RAPH1: variants seen among roughly 807,000 people sequenced by gnomAD.
RAPH1 encodes the protein ras-associated and pleckstrin homology domains-containing protein 1.
In RAPH1, 18 loss-of-function variants were observed where a neutral mutation model predicts 88.1. The ratio of observed to expected loss-of-function variants is 0.20; its 90% CI spans 0.14 to 0.30. The LOEUF (loss-of-function observed/expected upper bound fraction) is 0.30. Ranked by LOEUF, RAPH1 falls within the 10% of genes least tolerant of loss-of-function variation. The pLI is 1.00. For synonymous variants in RAPH1, 587 were observed against 559.0 expected, an observed-to-expected ratio of 1.05 and a Z score of -0.71; for missense variants, 1,448 against 1,543.2, an observed-to-expected ratio of 0.94 and a Z score of 1.03.
intron 1 of RAPH1, among the ~76,000 whole-genome samples, chr2:203,505,186 G>A (rs1688927338): frequency 6.6e-6 from 1 of 152,036 alleles, no homozygotes; most frequent in African/African-American, 2.4e-5. Context: ...TACTGCATTA[G>A]TCCATTTTCA....
In RAPH1 at chr2:203,439,396, G is replaced by A; in HGVS notation, c.*41C>T. The stretch of plus-strand genomic sequence containing the variant: ...CAGATGATCAGGTGAGCTGATTGTA[G>A]CAGTGATTACAGATATCATGAAAAT... On this transcript the variant is annotated 3_prime_UTR_variant, in exon 14 of 14. Coordinates refer to ENST00000319170, the MANE Select transcript of RAPH1 (RefSeq NM_213589.3). 1 of 1,572,760 alleles carries A rather than the reference G, an allele frequency of 6.4e-7. No individual in the cohort carries two copies. Among genetic ancestry groups the A allele is most frequent in the South Asian group, 1.1e-5 (1 of 87,566 alleles).
At chr2:203,475,406 C>CA (rs940001628) in intron 4 of RAPH1, among the ~76,000 whole-genome samples, 20 of 147,410 alleles carry the variant, frequency 1.4e-4, no homozygotes, top group South Asian at 2.1e-4. Flanking sequence ...GACTCCGTCT[C>CA]AAAAAAAAAG....
intron 1 of RAPH1, among the ~76,000 whole-genome samples, chr2:203,512,875 T>C (rs1262052009): frequency 6.6e-6 from 1 of 152,024 alleles, no homozygotes; most frequent in Non-Finnish European, 1.5e-5. Flanking sequence ...CCGCCCACCT[T>C]GGTCTCCCAA....
At chr2:203,484,803 G>C (rs575719715) in intron 4 of RAPH1, among the ~76,000 whole-genome samples, 1 of 152,278 alleles carries the variant, frequency 6.6e-6, no homozygotes, top group East Asian at 1.9e-4. Flanking sequence ...CACCAGCAGT[G>C]GTCTCAGGTA....
chr2:203,508,620 C>T (rs969199941), intron 1 of RAPH1, among the ~76,000 whole-genome samples: 1 of 152,074 alleles, frequency 6.6e-6, no homozygotes, highest in Admixed American at 6.6e-5. Context: ...GAAAAAAAAT[C>T]TGCATACAAG....
At position 203,439,933 on chromosome 2, in the gene RAPH1, G is replaced by T. The variant is rs750408580; in HGVS notation, c.3257C>A (p.Pro1086His). The part of the protein sequence containing the change: ...PPPETELPLP[P>H]IEIPAVFSGN... The stretch of plus-strand genomic sequence containing the variant: ...CGAGAAAACTGCTGGAATCTCAATG[G>T]GGGGCAGAGGAAGCTCTGTTTCAGG... Residue 1086 changes from proline (P) to histidine (H), a missense_variant, in exon 14 of 14, where the codon CCC becomes CAC. Physicochemically the swap from Pro to His is moderately conservative, Grantham distance 77 (BLOSUM62 -2). Around this residue, in one of 2 missense-constraint regions of RAPH1, gnomAD observed 935 missense variants for 890.1 expected, o/e 1.05. Coordinates refer to ENST00000319170, the MANE Select transcript of RAPH1 (RefSeq NM_213589.3). 1 of 1,613,904 alleles carries T rather than the reference G, an allele frequency of 6.2e-7. No individual in the cohort carries two copies. Among genetic ancestry groups the T allele is most frequent in the Non-Finnish European group, 8.5e-7 (1 of 1,180,002 alleles).
intron 1 of RAPH1, among the ~76,000 whole-genome samples, chr2:203,498,266 G>C (rs552972514): frequency 6.6e-6 from 1 of 152,090 alleles, no homozygotes; most frequent in Non-Finnish European, 1.5e-5. Context: ...AGTATTTTAG[G>C]CAATAATACG....
intron 4 of RAPH1, among the ~76,000 whole-genome samples, chr2:203,463,411 T>G (rs1263547754): frequency 6.6e-6 from 1 of 152,226 alleles, no homozygotes; most frequent in Non-Finnish European, 1.5e-5. Flanking sequence ...TTATTCTGTC[T>G]GCCTAAATTC....
Position 203,439,303 on chromosome 2 carries a change from CACAT to C in RAPH1, c.*130_*133del, listed in dbSNP as rs368201180. ...GTGTGTACATGCACGTGTACACACACACATACACATATAGCTGGACACTACCTGA... is the reference window on the plus strand; with the variant it reads ...GTGTGTACATGCACGTGTACACACACACACATATAGCTGGACACTACCTGA... On this transcript the variant is annotated 3_prime_UTR_variant, in exon 14 of 14. Transcript: ENST00000319170. 2.3e-3 allele frequency: 1,719 copies of C among 747,380 alleles called. 1 individual carries two copies. The highest frequency in any genetic ancestry group is 2.4e-3 in the Non-Finnish European group (1,080 of 448,042). The allele number at this position is 747,380 out of a possible 1,614,324, so 46.3% of individuals were successfully genotyped here.
At chr2:203,504,686 G>C (rs1421717213) in intron 1 of RAPH1, among the ~76,000 whole-genome samples, 2 of 143,676 alleles carry the variant, frequency 1.4e-5, no homozygotes, top group African/African-American at 2.7e-5. Context: ...AAAAAAAAAA[G>C]TTTGTCTTTT....
Position 203,489,661 on chromosome 2 carries a change from T to C in RAPH1, c.655A>G (p.Met219Val). ...ACTTTATCAATATCCAAAGAGTCCA[T>C]GCTGGAGGCTGCGGAAGTGATGCTG... ...HSSITSAASS[M>V]DSLDIDKVTR... Residue 219 changes from methionine (M) to valine (V), a missense_variant, in exon 4 of 14, where the codon ATG becomes GTG. Met to Val is a conservative substitution (Grantham distance 21, BLOSUM62 1). Transcript: ENST00000319170. The C allele has an allele frequency of 1.9e-6, 3 of 1,614,182 alleles. No homozygotes were observed. The highest frequency in any genetic ancestry group is 2.5e-6 in the Non-Finnish European group (3 of 1,180,010).
At chr2:203,534,549 C>A (rs866549046) in intron 1 of RAPH1, among the ~76,000 whole-genome samples, 1 of 124,134 alleles carries the variant, frequency 8.1e-6, no homozygotes, top group Non-Finnish European at 1.6e-5. Context: ...GGATTTCCGG[C>A]GGGAATGTAT....
In RAPH1 at chr2:203,439,734, G is replaced by C; in HGVS notation, c.3456C>G (p.Pro1152=). Residue 1152 remains proline, a synonymous_variant, in exon 14 of 14, where the codon CCC becomes CCG. Coordinates refer to ENST00000319170, the MANE Select transcript of RAPH1 (RefSeq NM_213589.3). ...PTMATVVPQV[P]TSPKSSLSVQ... ...CACTAAGGCTGGATTTGGGAGAGGT[G>C]GGCACTTGTGGCACAACTGTGGCCA... is the stretch of plus-strand genomic sequence containing the variant. The C allele has an allele frequency of 6.2e-7, 1 of 1,614,098 alleles. No individual in the cohort carries two copies. The highest frequency in any genetic ancestry group is 8.5e-7 in the Non-Finnish European group (1 of 1,180,036).
At chr2:203,467,316 C>T (rs938992787) in intron 4 of RAPH1, among the ~76,000 whole-genome samples, 5 of 152,052 alleles carry the variant, frequency 3.3e-5, no homozygotes, top group African/African-American at 7.2e-5. Flanking sequence ...ACAGGCTGGG[C>T]ATGGTGGCTC....
intron 1 of RAPH1, among the ~76,000 whole-genome samples, chr2:203,523,802 C>T (rs1454774875): frequency 2.6e-5 from 4 of 152,080 alleles, no homozygotes; most frequent in African/African-American, 9.7e-5. Context: ...GTCAGGAGAC[C>T]GAGACCATCC....
intron 1 of RAPH1, among the ~76,000 whole-genome samples, chr2:203,514,463 TG>T (rs1689505969): frequency 1.3e-5 from 2 of 152,354 alleles, no homozygotes; most frequent in African/African-American, 4.8e-5. Context: ...CAACAAAATA[TG>T]GATTCCAGGA....
In RAPH1 at chr2:203,487,234, T is replaced by C. The variant is rs373969507; in HGVS notation, c.732+2350A>G. On this transcript the variant is annotated intron_variant, in intron 4 of 13. Transcript: ENST00000319170. ...AAACTGATTGGAAGGAATATCAACA[T>C]ACAAAACAAAGAATGGCCAAGAAAG... 1.3e-4 allele frequency among the ~76,000 whole-genome samples: 20 copies of C among 152,292 alleles called. 2 individuals carry two copies. The highest frequency in any genetic ancestry group is 6.5e-4 in the Admixed American group (10 of 15,298).
intron 1 of RAPH1, among the ~76,000 whole-genome samples, chr2:203,514,479 T>C (rs771111946): frequency 6.6e-6 from 1 of 152,176 alleles, no homozygotes; most frequent in Non-Finnish European, 1.5e-5. Context: ...CCAGGAAGCT[T>C]AGAGGGTGGC....
At chr2:203,529,040 T>G (rs1323854498) in intron 1 of RAPH1, among the ~76,000 whole-genome samples, 1 of 118,972 alleles carries the variant, frequency 8.4e-6, no homozygotes, top group South Asian at 3.0e-4. Flanking sequence ...TGAGACAGGG[T>G]CTCACTCTGT....
Sources: gnomAD v4.1 joint callset for allele counts (sites outside exome capture counted in the v4.1 genomes callset) on GRCh38, gnomAD v4.1.1 for gene constraint, gnomAD v4.1.1 regional missense constraint, MANE v1.5 for transcripts, NCBI Gene and HGNC (gene_info 2026-07-23, HGNC 2026-07-21) for gene names.